ZNF43: variants seen among roughly 807,000 people sequenced by gnomAD.
The protein encoded by ZNF43 is zinc finger protein 43, also known as zinc finger protein 39-like 1 (KOX 27).
Under a neutral mutation model 68.4 loss-of-function variants are expected in ZNF43, and 44 were observed. The ratio of observed to expected loss-of-function variants is 0.64; its 90% confidence interval spans 0.51 to 0.83. The LOEUF (loss-of-function observed/expected upper bound fraction) is 0.83. ZNF43 is among the 40% of genes least tolerant of loss of function. The probability of loss-of-function intolerance (pLI) is 0.00; values close to 1 mark genes in which losing one functional copy is unlikely to be tolerated. For synonymous variants in ZNF43, 308 were observed against 307.8 expected (o/e 1.00, Z -0.01); for missense variants, 896 against 933.2 (o/e 0.96, Z 0.52).
intron 3 of ZNF43, among the ~76,000 whole-genome samples, chr19:21,812,341 C>T (rs566078862): frequency 5.3e-5 from 8 of 152,032 alleles, no homozygotes; most frequent in African/African-American, 7.2e-5. Context: ...GTCTCGATCT[C>T]CTGACCTCGT....
intron 3 of ZNF43, among the ~76,000 whole-genome samples, chr19:21,816,048 G>A (rs1339935653): frequency 2.0e-5 from 3 of 149,832 alleles, no homozygotes; most frequent in South Asian, 2.1e-4. Flanking sequence ...GCAACAGAGC[G>A]AGACTCTGAC....
At chr19:21,829,865 C>T (rs953351945) in intron 1 of ZNF43, among the ~76,000 whole-genome samples, 9 of 152,090 alleles carry the variant, frequency 5.9e-5, no homozygotes, top group African/African-American at 1.9e-4. Flanking sequence ...CATAAAAGAA[C>T]AAGAGAAGAA....
At chr19:21,843,658 G>A (rs566574116) in intron 1 of ZNF43, among the ~76,000 whole-genome samples, 24 of 152,212 alleles carry the variant, frequency 1.6e-4, no homozygotes, top group Non-Finnish European at 2.6e-4. Flanking sequence ...ATATGGTGGC[G>A]GGCGCCTGTA....
At chr19:21,848,876 C>T (rs1161537531) in intron 1 of ZNF43, among the ~76,000 whole-genome samples, 1 of 121,976 alleles carries the variant, frequency 8.2e-6, no homozygotes. Flanking sequence ...TGGCCCTCAG[C>T]CCAGGTATGA....
In ZNF43 at chr19:21,805,985, T is replaced by C. The variant is rs965114616; in HGVS notation, c.*1622A>G. 5 of 152,134 alleles carry C rather than the reference T, an allele frequency of 3.3e-5. No homozygotes were observed. The highest frequency in any genetic ancestry group is 6.6e-5 in the Admixed American group (1 of 15,258). The allele number at this position is 152,134 out of a possible 1,614,324, so 9.4% of individuals were successfully genotyped here. A position where few individuals can be genotyped will look rare whatever the true frequency, so the allele number is the denominator to read the frequency against. On this transcript the variant is annotated 3_prime_UTR_variant, in exon 4 of 4. Transcript: ENST00000354959. Reference sequence around the variant, plus strand: ...TACATGTAATCTAAAAATTTAAAAATGTACATTTAATTACATAAAATTACA... The same window carrying C: ...TACATGTAATCTAAAAATTTAAAAACGTACATTTAATTACATAAAATTACA...
chr19:21,833,853 C>A (rs1047861969), intron 1 of ZNF43, among the ~76,000 whole-genome samples: 1 of 151,796 alleles, frequency 6.6e-6, no homozygotes, highest in Admixed American at 6.6e-5. Flanking sequence ...CATGGGGAAA[C>A]CCTGTCTCTA....
At chr19:21,820,137 T>C (rs1244090188) in intron 1 of ZNF43, among the ~76,000 whole-genome samples, 1 of 131,242 alleles carries the variant, frequency 7.6e-6, no homozygotes, top group East Asian at 2.0e-4. Context: ...AGGTGGAGGT[T>C]GCAGTGAGCT....
chr19:21,847,080 C>T (rs1000270525), intron 1 of ZNF43, among the ~76,000 whole-genome samples: 3 of 152,156 alleles, frequency 2.0e-5, no homozygotes, highest in African/African-American at 7.2e-5. Flanking sequence ...GATGCTGGGC[C>T]CAGAGATATG....
At chr19:21,852,023 GA>G in exon 1 of ZNF43, 1 of 1,426,168 alleles carries the variant, frequency 7.0e-7, no homozygotes, top group Non-Finnish European at 9.4e-7. Context: ...GGAGAACGCG[GA>G]AAAGCAGAGG....
intron 1 of ZNF43, among the ~76,000 whole-genome samples, chr19:21,831,314 TAC>T (rs2038414072): frequency 6.6e-6 from 1 of 152,206 alleles, no homozygotes; most frequent in South Asian, 2.1e-4. Flanking sequence ...AGCATGATTC[TAC>T]ACCTAGAAAA....
chr19:21,816,292 G>C (rs1467377219), intron 3 of ZNF43, among the ~76,000 whole-genome samples: 1 of 152,080 alleles, frequency 6.6e-6, no homozygotes, highest in Non-Finnish European at 1.5e-5. Flanking sequence ...TTCAGGTCAG[G>C]AATTTAAGAT....
At chr19:21,820,239 T>C (rs922360565) in intron 1 of ZNF43, among the ~76,000 whole-genome samples, 93 of 133,510 alleles carry the variant, frequency 7.0e-4, no homozygotes, top group Non-Finnish European at 1.1e-3. Context: ...AATATATACA[T>C]ATATATTAAT....
intron 1 of ZNF43, among the ~76,000 whole-genome samples, chr19:21,844,103 C>T (rs958156074): frequency 6.6e-6 from 1 of 152,006 alleles, no homozygotes; most frequent in Non-Finnish European, 1.5e-5. Context: ...TTGTATAAAA[C>T]CATGATCGTA....
chr19:21,814,223 A>G (rs1410151381), intron 3 of ZNF43, among the ~76,000 whole-genome samples: 1 of 152,208 alleles, frequency 6.6e-6, no homozygotes, highest in Non-Finnish European at 1.5e-5. Context: ...ATATACATTC[A>G]TCATTAAACA....
At chr19:21,824,424 AC>A (rs761441397) in intron 1 of ZNF43, among the ~76,000 whole-genome samples, 17 of 152,160 alleles carry the variant, frequency 1.1e-4, no homozygotes, top group Non-Finnish European at 2.4e-4. Flanking sequence ...GGAGCCTCTC[AC>A]GTAAGTGTTA....
chr19:21,810,194 T>C (rs2145168960), intron 3 of ZNF43, among the ~76,000 whole-genome samples: 1 of 152,314 alleles, frequency 6.6e-6, no homozygotes, highest in East Asian at 1.9e-4. Context: ...AAAAAAGGCT[T>C]ATTTTGCTCA....
intron 1 of ZNF43, among the ~76,000 whole-genome samples, chr19:21,829,435 C>T (rs1035766937): frequency 3.9e-5 from 6 of 152,010 alleles, no homozygotes; most frequent in Non-Finnish European, 7.4e-5. Flanking sequence ...ATTCGTTCTT[C>T]GTACTAAACT....
In ZNF43 at chr19:21,847,495, G is replaced by A. The variant is rs540658778; in HGVS notation, c.30+4410C>T. Among the ~76,000 whole-genome samples, 12 of 152,132 alleles carry A rather than the reference G, an allele frequency of 7.9e-5. No individual in the cohort carries two copies. In the East Asian group the frequency reaches 1.4e-3, roughly 17 times the overall value. ...GTGGATCACTTGAGGCCAGGAGTTC[G>A]AGACCAGCCTGGCCAACATGCTGAA... On this transcript the variant is annotated intron_variant, in intron 1 of 3. Coordinates refer to the ZNF43 transcript ENST00000357491.
At chr19:21,826,044 A>T (rs2038105714) in intron 1 of ZNF43, among the ~76,000 whole-genome samples, 1 of 152,132 alleles carries the variant, frequency 6.6e-6, no homozygotes, top group African/African-American at 2.4e-5. Context: ...GCAAGACTCC[A>T]TCTCAAAAAA....
Sources: gnomAD v4.1 joint callset for allele counts (sites outside exome capture counted in the v4.1 genomes callset) on GRCh38, gnomAD v4.1.1 for gene constraint, MANE v1.5 for transcripts, NCBI Gene and HGNC (gene_info 2026-07-23, HGNC 2026-07-21) for gene names.